Variants in MMD2 observed in about 807,000 individuals in gnomAD.
The protein encoded by MMD2 is monocyte to macrophage differentiation factor 2.
In MMD2, 30 loss-of-function variants were observed where a neutral mutation model predicts 33.5. The observed-to-expected ratio is 0.90, with a 90% CI of 0.67 to 1.22. The LOEUF (loss-of-function observed/expected upper bound fraction) is 1.22, where lower values mean the gene tolerates loss of function less well. MMD2 is among the 50% of genes most tolerant of loss of function. The pLI, the probability that MMD2 is intolerant of heterozygous loss-of-function variation, is 0.00. For synonymous variants in MMD2, 129 were observed against 123.0 expected (o/e 1.05, Z -0.32); for missense variants, 364 against 325.4 (o/e 1.12, Z -0.91).
chr7:4,911,709 C>G (rs1785015213), intron 4 of MMD2, among the ~76,000 whole-genome samples: 3 of 151,654 alleles, frequency 2.0e-5, no homozygotes, highest in African/African-American at 7.3e-5. Context: ...AGTGTAGTGG[C>G]ACAATCTCGG....
At chr7:4,958,479 G>C (rs1362556681) in intron 1 of MMD2, among the ~76,000 whole-genome samples, 4 of 152,110 alleles carry the variant, frequency 2.6e-5, no homozygotes, top group African/African-American at 9.7e-5. Flanking sequence ...CCGAGCCTCA[G>C]TTTCTCCATC....
At position 4,920,688 on chromosome 7, in the gene MMD2, TCCTCCCTCCCTC is replaced by T. The variant is rs138036120; in HGVS notation, c.130-369_130-358del. Among the ~76,000 whole-genome samples, 445 of 87,894 alleles carry T rather than the reference TCCTCCCTCCCTC, an allele frequency of 5.1e-3. 7 individuals carry two copies. The highest frequency in any genetic ancestry group is 0.021 in the African/African-American group (416 of 20,092). 57.7% of individuals were successfully genotyped at this position (87,894 alleles called of 152,430 possible). On this transcript the variant is annotated intron_variant, in intron 2 of 6. Transcript: ENST00000401401. Reference sequence around the variant, plus strand: ...TTCTTCCCCTTCCCTCCTCCCTCTCTCCTCCCTCCCTCCCTCCCTCCCTCCCTCCCTTCCTCC... The same window carrying T: ...TTCTTCCCCTTCCCTCCTCCCTCTCTCCTCCCTCCCTCCCTCCCTTCCTCC...
chr7:4,948,893 C>A (rs1786163564), intron 1 of MMD2, among the ~76,000 whole-genome samples: 1 of 152,152 alleles, frequency 6.6e-6, no homozygotes. Context: ...GCTCACACAG[C>A]CTCCATCTCC....
chr7:4,933,534 C>T (rs1333621083), intron 1 of MMD2, among the ~76,000 whole-genome samples: 3 of 151,820 alleles, frequency 2.0e-5, no homozygotes, highest in Non-Finnish European at 4.4e-5. Flanking sequence ...ATCTGAGATT[C>T]CTCCTCCCTG....
At chr7:4,907,887 G>A (rs371775116) in intron 6 of MMD2, among the ~76,000 whole-genome samples, 41 of 152,224 alleles carry the variant, frequency 2.7e-4, no homozygotes, top group African/African-American at 9.6e-4. Flanking sequence ...GCTCACTGTA[G>A]CCTCCAACTC....
intron 1 of MMD2, among the ~76,000 whole-genome samples, chr7:4,953,194 G>A (rs1283641497): frequency 2.6e-5 from 4 of 151,660 alleles, no homozygotes; most frequent in African/African-American, 9.7e-5. Flanking sequence ...TATCTGAAGT[G>A]TTATCACATA....
At chr7:4,909,645 A>T in intron 6 of MMD2, 1 of 702,250 alleles carries the variant, frequency 1.4e-6, no homozygotes, top group Non-Finnish European at 2.6e-6. Flanking sequence ...TATGTTGCCC[A>T]GGCTGGTCTC....
At chr7:4,956,482 C>T (rs1786384128) in intron 1 of MMD2, among the ~76,000 whole-genome samples, 1 of 151,930 alleles carries the variant, frequency 6.6e-6, no homozygotes, top group African/African-American at 2.4e-5. Flanking sequence ...AATTTGTGGA[C>T]TGTACAGTTG....
chr7:4,929,312 A>G (rs2965040), intron 1 of MMD2, among the ~76,000 whole-genome samples: 89,160 of 151,746 alleles, frequency 0.59, 26,714 homozygotes, highest in African/African-American at 0.71. Flanking sequence ...ACCAACCCCC[A>G]TCTCCCACGG....
At chr7:4,925,677 G>GT (rs1229999738) in intron 1 of MMD2, 145 bp from the exon 2 acceptor site, 1 of 502,308 alleles carries the variant, frequency 2.0e-6, no homozygotes, top group Non-Finnish European at 3.5e-6. Context: ...CTCTCTCTCT[G>GT]TCTTCTTCCT....
intron 1 of MMD2, 123 bp from the exon 2 acceptor site, chr7:4,925,655 T>C: frequency 7.1e-6 from 4 of 561,152 alleles, no homozygotes; most frequent in South Asian, 3.3e-5. Flanking sequence ...CTTCTCCCTT[T>C]TTCATCTCCC....
intron 1 of MMD2, among the ~76,000 whole-genome samples, chr7:4,942,617 CTTT>C (rs11342765): frequency 6.9e-6 from 1 of 144,242 alleles, no homozygotes; most frequent in African/African-American, 2.6e-5. Flanking sequence ...GTCTATACCT[CTTT>C]TTTTTTTTTG....
chr7:4,912,173 G>C (rs1785030882), intron 4 of MMD2, among the ~76,000 whole-genome samples: 1 of 152,008 alleles, frequency 6.6e-6, no homozygotes, highest in African/African-American at 2.4e-5. Context: ...TACCAACATA[G>C]ATAGATCTCT....
chr7:4,900,377 C>T, the MMD2 span, among the ~76,000 whole-genome samples: 4 of 152,044 alleles, frequency 2.6e-5, no homozygotes, highest in Non-Finnish European at 5.9e-5. Flanking sequence ...ATCTGTTATA[C>T]TGGTAAAAAG....
chr7:4,954,886 G>A (rs973337933), intron 1 of MMD2, among the ~76,000 whole-genome samples: 1 of 152,016 alleles, frequency 6.6e-6, no homozygotes, highest in Non-Finnish European at 1.5e-5. Flanking sequence ...CCCTCTAAAA[G>A]TGTCTTTTCT....
At chr7:4,893,322 C>T in the MMD2 span, among the ~76,000 whole-genome samples, 1 of 152,068 alleles carries the variant, frequency 6.6e-6, no homozygotes, top group East Asian at 1.9e-4. Flanking sequence ...ATAGGCAGAG[C>T]ATCACCAAGG....
chr7:4,918,028 G>A (rs1481784869), intron 3 of MMD2, among the ~76,000 whole-genome samples: 2 of 152,144 alleles, frequency 1.3e-5, no homozygotes, highest in Non-Finnish European at 2.9e-5. Context: ...ATGTGGCTGT[G>A]AAGACAGCCA....
chr7:4,924,991 C>A (rs1301805700), intron 2 of MMD2, among the ~76,000 whole-genome samples: 1 of 152,128 alleles, frequency 6.6e-6, no homozygotes, highest in Non-Finnish European at 1.5e-5. Context: ...AATGCAATGG[C>A]ATGATCTCGG....
downstream of MMD2, among the ~76,000 whole-genome samples, chr7:4,901,855 G>A (rs963998331): frequency 2.0e-5 from 3 of 152,228 alleles, no homozygotes; most frequent in Non-Finnish European, 4.4e-5. Context: ...TTTCATCCTT[G>A]GCAATGCCAC....
Sources: allele counts gnomAD v4.1 joint callset (sites outside exome capture counted in the v4.1 genomes callset), GRCh38; gene constraint gnomAD v4.1.1; transcripts MANE v1.5; gene names NCBI Gene and HGNC (gene_info 2026-07-23, HGNC 2026-07-21).